INPP5D: variants seen among roughly 807,000 people sequenced by gnomAD.
INPP5D encodes inositol polyphosphate-5-phosphatase D.
In INPP5D, 33 loss-of-function variants were observed where a neutral mutation model predicts 122.9. The observed-to-expected ratio is 0.27, with a 90% CI of 0.20 to 0.36. The LOEUF is 0.36. Among genes scored for constraint, INPP5D ranks in the 10% least tolerant of loss-of-function variants. The pLI, the probability that INPP5D is intolerant of heterozygous loss-of-function variation, is 1.00. For missense variants in INPP5D, 1,053 were observed against 1,412.7 expected (o/e 0.75, Z 4.08); for synonymous variants, 584 against 576.2 (o/e 1.01, Z -0.19).
At chr2:233,144,699 A>AGGGGTGGAGATGGTG (rs1693712083) in intron 6 of INPP5D, among the ~76,000 whole-genome samples, 2 of 54,462 alleles carry the variant, frequency 3.7e-5, no homozygotes, top group African/African-American at 9.2e-5. Flanking sequence ...TGGAGGTGGT[A>AGGGGTGGAGATGGTG]GTAGTGATGG....
At chr2:233,067,207 C>T (rs1691254377) in intron 1 of INPP5D, among the ~76,000 whole-genome samples, 1 of 152,254 alleles carries the variant, frequency 6.6e-6, no homozygotes, top group South Asian at 2.1e-4. Context: ...CAGTCACTCC[C>T]TATTCCCTCT....
At chr2:233,191,921 C>G (rs1325040109) in intron 22 of INPP5D, among the ~76,000 whole-genome samples, 1 of 152,244 alleles carries the variant, frequency 6.6e-6, no homozygotes, top group Non-Finnish European at 1.5e-5. Context: ...TGTGCAGGCT[C>G]TGCCAACACC....
At chr2:233,132,767 T>G (rs1019547208) in intron 5 of INPP5D, among the ~76,000 whole-genome samples, 1 of 152,172 alleles carries the variant, frequency 6.6e-6, no homozygotes, top group Non-Finnish European at 1.5e-5. Context: ...AGCCCTGTTC[T>G]GGGTGCTGGG....
chr2:233,167,207 CAAAAAAAAAA>C lies in INPP5D; in HGVS notation c.1556-2087_1556-2078del, dbSNP rs565735597. Among the ~76,000 whole-genome samples the C allele has an allele frequency of 2.4e-3, 241 of 102,162 alleles. 3 individuals carry two copies. Among genetic ancestry groups the C allele is most frequent in the South Asian group, 2.1e-3 (6 of 2,884 alleles). 67.0% of individuals were successfully genotyped at this position (102,162 alleles called of 152,430 possible). On this transcript the variant is annotated intron_variant, in intron 13 of 26. Coordinates refer to ENST00000445964, the MANE Select transcript of INPP5D (RefSeq NM_001017915.3). ...GCAACATAGGAAGGTACCATTTCTA[CAAAAAAAAAA>C]AAAAAAAAAATGGCATAGTAGTGCA...
intron 2 of INPP5D, among the ~76,000 whole-genome samples, chr2:233,121,674 C>A (rs1414374954): frequency 6.6e-6 from 1 of 151,600 alleles, no homozygotes; most frequent in African/African-American, 2.4e-5. Flanking sequence ...TGCCACCACG[C>A]CCGGCTAATT....
chr2:233,116,295 A>C (rs1013123341), intron 2 of INPP5D, among the ~76,000 whole-genome samples: 1 of 152,008 alleles, frequency 6.6e-6, no homozygotes, highest in Non-Finnish European at 1.5e-5. Context: ...ATATAGATAT[A>C]TAGATACTTT....
In INPP5D at chr2:233,193,808, G is replaced by C; in HGVS notation, c.2447-4G>C. 1 of 1,613,854 alleles carries C rather than the reference G, an allele frequency of 6.2e-7. No homozygotes were observed. Among genetic ancestry groups the C allele is most frequent in the Non-Finnish European group, 8.5e-7 (1 of 1,179,890 alleles). ...CACCCAGCTGTCTCCCACTTTCCCT[G>C]CAGGCGAGGGCTGCATTGCCCTTCG... On this transcript the variant is annotated splice_polypyrimidine_tract_variant and splice_region_variant and intron_variant, in intron 22 of 26. Coordinates refer to ENST00000445964, the MANE Select transcript of INPP5D (RefSeq NM_001017915.3).
chr2:233,192,454 A>G (rs563262253), intron 22 of INPP5D, among the ~76,000 whole-genome samples: 1 of 152,284 alleles, frequency 6.6e-6, no homozygotes, highest in East Asian at 1.9e-4. Flanking sequence ...ACATAGGCAT[A>G]CCTAGATTTT....
In INPP5D at chr2:233,082,094, G is replaced by A. The variant is rs1027152625; in HGVS notation, c.198+2696G>A. On this transcript the variant is annotated intron_variant, in intron 2 of 26. Coordinates refer to ENST00000445964, the MANE Select transcript of INPP5D (RefSeq NM_001017915.3). The surrounding 1 kb of genome is among the most constrained non-coding windows in gnomAD (Gnocchi z 4.7). ...GCTGGACTTCTCTGCTCCTGACCCC[G>A]GCACTAGATCTGTGACCTCCGCAGT... is the stretch of plus-strand genomic sequence containing the variant. Among the ~76,000 whole-genome samples, 1 of 152,094 alleles carries A rather than the reference G, an allele frequency of 6.6e-6. No individual in the cohort carries two copies. Among genetic ancestry groups the A allele is most frequent in the Non-Finnish European group, 1.5e-5 (1 of 68,026 alleles).
chr2:233,060,356 C>A lies in INPP5D; in HGVS notation c.-123C>A. ...GGAAGTCAGTCAGTTAAGCTGGTGG[C>A]AGCAGCCGAGGCCACCAAGAGGCAA... On this transcript the variant is annotated 5_prime_UTR_variant, in exon 1 of 27. Transcript: ENST00000445964. 1.8e-6 allele frequency: 2 copies of A among 1,141,704 alleles called. No homozygotes were observed. Among genetic ancestry groups the A allele is most frequent in the Non-Finnish European group, 2.4e-6 (2 of 818,094 alleles). The allele number at this position is 1,141,704 out of a possible 1,614,324, so 70.7% of individuals were successfully genotyped here. A position where few individuals can be genotyped will look rare whatever the true frequency, so the allele number is the denominator to read the frequency against.
At chr2:233,159,983 A>G (rs1039858121) in intron 10 of INPP5D, among the ~76,000 whole-genome samples, 1 of 152,176 alleles carries the variant, frequency 6.6e-6, no homozygotes, top group Non-Finnish European at 1.5e-5. Flanking sequence ...TGGGAGATGG[A>G]GAGAAAGACC....
intron 1 of INPP5D, among the ~76,000 whole-genome samples, chr2:233,071,124 A>AT (rs1437594165): frequency 1.4e-4 from 22 of 152,000 alleles, no homozygotes; most frequent in African/African-American, 5.3e-4. Flanking sequence ...AGATACAAAA[A>AT]AAATAAAAAT....
intron 3 of INPP5D, among the ~76,000 whole-genome samples, chr2:233,124,498 T>G (rs1329691732): frequency 1.3e-5 from 2 of 152,216 alleles, no homozygotes; most frequent in East Asian, 3.9e-4. Flanking sequence ...CTCCCTGGTC[T>G]GAGTGAGCAC....
chr2:233,186,200 T>A (rs970830432), intron 21 of INPP5D, among the ~76,000 whole-genome samples: 3 of 152,180 alleles, frequency 2.0e-5, no homozygotes, highest in Non-Finnish European at 4.4e-5. Context: ...TCTAACCACA[T>A]GATTTTGCAA....
intron 5 of INPP5D, among the ~76,000 whole-genome samples, chr2:233,139,464 A>G (rs911979221): frequency 1.6e-3 from 176 of 110,680 alleles, no homozygotes; most frequent in African/African-American, 7.4e-3. Flanking sequence ...CATTGTTAAC[A>G]CCTGTGTGTG....
intron 1 of INPP5D, among the ~76,000 whole-genome samples, chr2:233,075,218 A>G (rs1691488513): frequency 6.6e-6 from 1 of 152,160 alleles, no homozygotes; most frequent in Non-Finnish European, 1.5e-5. Flanking sequence ...TAGCAGAAGG[A>G]AGTACTGTTG....
intron 2 of INPP5D, among the ~76,000 whole-genome samples, chr2:233,113,158 C>T (rs1364541515): frequency 6.6e-6 from 1 of 152,154 alleles, no homozygotes; most frequent in East Asian, 1.9e-4. Flanking sequence ...GCTTATTCCC[C>T]TGTGTATACC....
At position 233,170,583 on chromosome 2, in the gene INPP5D, CAGA is replaced by C. The variant is rs1219791182; in HGVS notation, c.1882_1884del (p.Lys628del). On this transcript the variant is annotated inframe_deletion, in exon 16 of 27. Coordinates refer to ENST00000445964, the MANE Select transcript of INPP5D (RefSeq NM_001017915.3). This position sits in a 1 kb window ranked among gnomAD's most constrained non-coding sequence, Gnocchi z 4.5. ...CCAGCTGCTCACAGAGAGGAGGGAG[CAGA>C]AGGTCTTCCTACACTTCGGTAAGAG... The C allele has an allele frequency of 6.2e-7, 1 of 1,613,426 alleles. No individual in the cohort carries two copies.
intron 9 of INPP5D, among the ~76,000 whole-genome samples, chr2:233,150,308 G>T (rs1018828750): frequency 6.6e-6 from 1 of 152,092 alleles, no homozygotes; most frequent in African/African-American, 2.4e-5. Flanking sequence ...TTTTATAAAG[G>T]GTAGTTCCCC....
Sources: gnomAD v4.1 joint callset for allele counts (sites outside exome capture counted in the v4.1 genomes callset) on GRCh38, gnomAD v4.1.1 for gene constraint, Gnocchi (gnomAD v3.1) non-coding constraint, MANE v1.5 for transcripts, NCBI Gene and HGNC (gene_info 2026-07-23, HGNC 2026-07-21) for gene names.